SH3D19: variants seen among roughly 807,000 people sequenced by gnomAD.
The protein encoded by SH3D19 is SH3 domain containing 19.
SH3D19 carries 58 observed loss-of-function variants against 112.1 expected under a neutral mutation model. The ratio of observed to expected loss-of-function variants is 0.52; its 90% CI spans 0.42 to 0.64. SH3D19 has a LOEUF of 0.64. Among genes scored for constraint, SH3D19 ranks in the 30% least tolerant of loss-of-function variants. The pLI, the probability that SH3D19 is intolerant of heterozygous loss-of-function variation, is 0.00. For synonymous variants in SH3D19, 391 were observed against 448.5 expected, an observed-to-expected ratio of 0.87 and a Z score of 1.62; for missense variants, 1,090 against 1,263.4, an observed-to-expected ratio of 0.86 and a Z score of 2.08.
At chr4:151,220,796 G>A (rs1207794823) in intron 2 of SH3D19, among the ~76,000 whole-genome samples, 2 of 152,176 alleles carry the variant, frequency 1.3e-5, no homozygotes, top group Non-Finnish European at 2.9e-5. Flanking sequence ...GAGCATCACA[G>A]TAAAGAAATA....
chr4:151,289,790 T>C (rs1396055651), intron 1 of SH3D19, among the ~76,000 whole-genome samples: 2 of 152,122 alleles, frequency 1.3e-5, no homozygotes, highest in African/African-American at 4.8e-5. Context: ...TACAAAAACT[T>C]GCACGTGAGC....
intron 3 of SH3D19, among the ~76,000 whole-genome samples, chr4:151,185,995 G>A (rs915539391): frequency 1.3e-5 from 2 of 151,984 alleles, no homozygotes; most frequent in Admixed American, 6.6e-5. Context: ...AGACAAGATC[G>A]CGCCACTGCA....
rs778650101 is a variant in SH3D19, at chr4:151,122,221, G to T, written c.3028-14C>A. The T allele has an allele frequency of 8.4e-6, 12 of 1,437,010 alleles. No homozygotes were observed. The East Asian group carries it at 2.5e-4, about 30-fold the overall frequency. 89.0% of individuals were successfully genotyped at this position (1,437,010 alleles called of 1,614,324 possible). A position where few individuals can be genotyped will look rare whatever the true frequency, so the allele number is the denominator to read the frequency against. On this transcript the variant is annotated splice_polypyrimidine_tract_variant and intron_variant, in intron 19 of 19. Coordinates refer to ENST00000604030, the MANE Select transcript of SH3D19 (RefSeq NM_001378122.1). ...TATATCTCCAGCCTGTAAGACAAAA[G>T]GAGTTAGAATTACTGGTTTCTGTTG...
chr4:151,236,536 G>A (rs1489973807), intron 1 of SH3D19, among the ~76,000 whole-genome samples: 2 of 152,244 alleles, frequency 1.3e-5, no homozygotes, highest in Non-Finnish European at 2.9e-5. Flanking sequence ...TCTAGCTAAA[G>A]GATTGTAAAC....
chr4:151,264,927 AT>A (rs1254683526), intron 1 of SH3D19, among the ~76,000 whole-genome samples: 1 of 152,214 alleles, frequency 6.6e-6, no homozygotes, highest in Non-Finnish European at 1.5e-5. Flanking sequence ...TGAATAAAGA[AT>A]AAAAAATAAG....
intron 1 of SH3D19, among the ~76,000 whole-genome samples, chr4:151,255,371 CT>C (rs1561405227): frequency 1.3e-5 from 2 of 151,118 alleles, no homozygotes; most frequent in Non-Finnish European, 3.0e-5. Flanking sequence ...GGCAGAGGTG[CT>C]CCTCACATCC....
At chr4:151,291,028 C>T in intron 1 of SH3D19, 1 of 982,516 alleles carries the variant, frequency 1.0e-6, no homozygotes, top group South Asian at 1.7e-5. Context: ...GGTCTCATGG[C>T]CCAGTTTTAA....
intron 4 of SH3D19, among the ~76,000 whole-genome samples, 199 bp from the exon 5 acceptor site, chr4:151,177,154 T>C (rs1039102150): frequency 6.6e-6 from 1 of 152,170 alleles, no homozygotes; most frequent in Non-Finnish European, 1.5e-5. Context: ...ATGACAATCA[T>C]CCTCTATGAC....
chr4:151,256,221 G>A (rs989073670), intron 1 of SH3D19, among the ~76,000 whole-genome samples: 4 of 152,174 alleles, frequency 2.6e-5, no homozygotes, highest in South Asian at 2.1e-4. Flanking sequence ...AGGGGGATAT[G>A]AGACTTGTCA....
rs1753458699 is a variant in SH3D19, at chr4:151,143,940, T to C, written c.2193A>G (p.Pro731=). 1 of 1,613,982 alleles carries C rather than the reference T, an allele frequency of 6.2e-7. No homozygotes were observed. The highest frequency in any genetic ancestry group is 8.5e-7 in the Non-Finnish European group (1 of 1,179,954). The change falls in exon 12 of 20, where the codon CCA becomes CCG. Residue 731 remains proline, a synonymous_variant. Transcript: ENST00000604030. ...GTCTGCTTCTAAGATGTTCATCAAG[T>C]GGAGTGATAATCTTCATTTGAGACA... ...VHLSQMKIIT[P]LDEHLRSRPN... is the part of the protein sequence containing the mutation.
rs182622938 is a variant in SH3D19, at chr4:151,271,864, C to T, written c.113-45778G>A. 3.3e-5 allele frequency among the ~76,000 whole-genome samples: 5 copies of T among 152,186 alleles called. No homozygotes were observed. The East Asian group carries it at 9.6e-4, about 29-fold the overall frequency. Reference sequence around the variant, plus strand: ...AAAATCTTGTGGGATATTATTATTCCTATTTTGCAGCAATTATTATTATAT... The same window carrying T: ...AAAATCTTGTGGGATATTATTATTCTTATTTTGCAGCAATTATTATTATAT... On this transcript the variant is annotated intron_variant, in intron 1 of 19. Transcript: ENST00000604030.
Position 151,127,695 on chromosome 4 carries a change from C to A in SH3D19, c.2950G>T (p.Ala984Ser). ...GCCTTCCTCCCCTTCGGTACTATGGCCAACATACTTTTTGCCTCAGCTGTG... is the reference window on the plus strand; with the variant it reads ...GCCTTCCTCCCCTTCGGTACTATGGACAACATACTTTTTGCCTCAGCTGTG... ...PCPAEAKSML[A>S]IVPKGRKAKA... Residue 984 changes from alanine (A) to serine (S), a missense_variant, in exon 19 of 20, where the codon GCC becomes TCC. By Grantham distance (99) the Ala-to-Ser change is moderately conservative. Coordinates refer to ENST00000604030, the MANE Select transcript of SH3D19 (RefSeq NM_001378122.1). The A allele has an allele frequency of 6.3e-7, 1 of 1,596,510 alleles. No individual in the cohort carries two copies. Among genetic ancestry groups the A allele is most frequent in the Middle Eastern group, 1.7e-4 (1 of 6,014 alleles).
Position 151,120,934 on chromosome 4 carries a change from T to A in SH3D19, c.*1157A>T. 6.5e-6 allele frequency: 1 copy of A among 152,674 alleles called. No homozygotes were observed. Among genetic ancestry groups the A allele is most frequent in the East Asian group, 1.9e-4 (1 of 5,204 alleles). 9.5% of individuals were successfully genotyped at this position (152,674 alleles called of 1,614,324 possible). On this transcript the variant is annotated 3_prime_UTR_variant, in exon 20 of 20. Transcript: ENST00000604030. ...ACCTATTTGGCTCTAGCCCATAAAT[T>A]GTAATTGATTCAGTCATGTAAAGAA...
chr4:151,280,958 C>T (rs1157215089), intron 1 of SH3D19, among the ~76,000 whole-genome samples: 1 of 152,074 alleles, frequency 6.6e-6, no homozygotes, highest in Non-Finnish European at 1.5e-5. Context: ...AAAAATGTTA[C>T]CTCTCATGCA....
intron 8 of SH3D19, among the ~76,000 whole-genome samples, chr4:151,162,081 A>T (rs1579881846): frequency 6.6e-6 from 1 of 152,062 alleles, no homozygotes; most frequent in African/African-American, 2.4e-5. Flanking sequence ...TGCTTCACCT[A>T]TCAACCCGTC....
rs776699396 is a variant in SH3D19 at position 151,139,835 on chromosome 4, C to T, written c.2236G>A (p.Ala746Thr). ...GCACCACTGTCAACAGGCTTCTGAGCGTGGCTTGGATCCTTAGGGGGAGAA... is the reference window on the plus strand; with the variant it reads ...GCACCACTGTCAACAGGCTTCTGAGTGTGGCTTGGATCCTTAGGGGGAGAA... ...LRSRPNDPSHAQKPVDSGAPH... is the reference protein window; with the variant it reads ...LRSRPNDPSHTQKPVDSGAPH... The change falls in exon 13 of 20, where the codon GCT (alanine) becomes ACT (threonine). Residue 746 changes from alanine to threonine, a missense_variant. Coordinates refer to ENST00000604030, the MANE Select transcript of SH3D19 (RefSeq NM_001378122.1). 8.7e-6 allele frequency: 14 copies of T among 1,614,042 alleles called. 1 individual carries two copies. The highest frequency in any genetic ancestry group is 7.7e-5 in the South Asian group (7 of 91,060).
chr4:151,239,004 T>A (rs1229327639), intron 1 of SH3D19, among the ~76,000 whole-genome samples: 2 of 152,184 alleles, frequency 1.3e-5, no homozygotes, highest in Non-Finnish European at 2.9e-5. Flanking sequence ...TGTAGAATGC[T>A]TCTAAAGTAA....
At chr4:151,183,450 T>A (rs1761267099) in intron 3 of SH3D19, among the ~76,000 whole-genome samples, 1 of 152,170 alleles carries the variant, frequency 6.6e-6, no homozygotes, top group Non-Finnish European at 1.5e-5. Context: ...ATCGTCCTAC[T>A]CAAACTTCAC....
intron 9 of SH3D19, among the ~76,000 whole-genome samples, chr4:151,154,264 C>T (rs1561243505): frequency 6.6e-6 from 1 of 151,708 alleles, no homozygotes; most frequent in Non-Finnish European, 1.5e-5. Context: ...TCCCGAGTAG[C>T]TGGGATTACA....
Sources: gnomAD v4.1 joint callset for allele counts (sites outside exome capture counted in the v4.1 genomes callset) on GRCh38, gnomAD v4.1.1 for gene constraint, MANE v1.5 for transcripts, NCBI Gene and HGNC (gene_info 2026-07-23, HGNC 2026-07-21) for gene names.